SSBP3: variants seen among roughly 807,000 people sequenced by gnomAD.
SSBP3 encodes single stranded DNA binding protein 3.
Under a neutral mutation model 69.6 loss-of-function variants are expected in SSBP3, and 5 were observed. That is an observed-to-expected ratio of 0.07 (90% CI 0.04 to 0.15). The LOEUF (loss-of-function observed/expected upper bound fraction) is 0.15, where lower values mean the gene tolerates loss of function less well. Among genes scored for constraint, SSBP3 ranks in the 10% least tolerant of loss-of-function variants. The pLI, the probability that SSBP3 is intolerant of heterozygous loss-of-function variation, is 1.00. For missense variants in SSBP3, 312 were observed against 534.0 expected (o/e 0.58, Z 4.10); for synonymous variants, 196 against 193.4 (o/e 1.01, Z -0.11).
intron 4 of SSBP3, among the ~76,000 whole-genome samples, chr1:54,329,241 G>T (rs1646364221): frequency 6.6e-6 from 1 of 151,966 alleles, no homozygotes; most frequent in South Asian, 2.1e-4. Context: ...GAGGATGAAT[G>T]ATATACTTTT....
chr1:54,387,358 T>C (rs1008526970), intron 4 of SSBP3, among the ~76,000 whole-genome samples: 2 of 152,202 alleles, frequency 1.3e-5, no homozygotes, highest in Admixed American at 6.5e-5. Flanking sequence ...AACCAAGCCA[T>C]GCCTCTTCAA....
At chr1:54,397,543 CAG>C (rs1181021966) in intron 4 of SSBP3, among the ~76,000 whole-genome samples, 29 of 152,210 alleles carry the variant, frequency 1.9e-4, no homozygotes, top group East Asian at 1.2e-3. Flanking sequence ...GGTGGGAGAG[CAG>C]AGTCTTGCTG....
intron 4 of SSBP3, among the ~76,000 whole-genome samples, chr1:54,346,720 C>A (rs12093737): frequency 0.047 from 7,073 of 151,456 alleles, 583 homozygotes; most frequent in African/African-American, 0.16. Context: ...GAGGCTGAGG[C>A]AGGAGAATGG....
upstream of SSBP3, among the ~76,000 whole-genome samples, chr1:54,408,111 T>C (rs755092210): frequency 9.9e-5 from 15 of 152,136 alleles, no homozygotes; most frequent in Non-Finnish European, 1.8e-4. Flanking sequence ...CGGACACCTC[T>C]GGACTCACTC....
intron 4 of SSBP3, among the ~76,000 whole-genome samples, chr1:54,393,440 G>A (rs150772790): frequency 6.4e-4 from 98 of 152,232 alleles, no homozygotes; most frequent in African/African-American, 2.3e-3. Context: ...CAATCACTGA[G>A]AACACTGCCC....
At chr1:54,341,694 C>T (rs77692229) in intron 4 of SSBP3, among the ~76,000 whole-genome samples, 4,827 of 150,158 alleles carry the variant, frequency 0.032, 264 homozygotes, top group African/African-American at 0.11. Flanking sequence ...TACCCTAAAA[C>T]TTAAAGTATA....
chr1:54,344,092 T>A (rs972558941), intron 4 of SSBP3, among the ~76,000 whole-genome samples: 6 of 152,116 alleles, frequency 3.9e-5, no homozygotes, highest in African/African-American at 1.2e-4. Flanking sequence ...GTGCCCCTGA[T>A]TAGACACCTG....
At chr1:54,346,100 T>C (rs1355971656) in intron 4 of SSBP3, among the ~76,000 whole-genome samples, 4 of 151,402 alleles carry the variant, frequency 2.6e-5, no homozygotes, top group African/African-American at 9.7e-5. Context: ...GAGGCAGAGG[T>C]TGCAGTGAGC....
intron 4 of SSBP3, among the ~76,000 whole-genome samples, chr1:54,343,533 G>A (rs532998607): frequency 1.3e-5 from 2 of 152,358 alleles, no homozygotes; most frequent in African/African-American, 4.8e-5. Context: ...CCCAGTGGCA[G>A]GGGAGCAGGT....
intron 4 of SSBP3, among the ~76,000 whole-genome samples, chr1:54,328,931 G>A (rs1348844934): frequency 6.6e-6 from 1 of 152,240 alleles, no homozygotes; most frequent in Non-Finnish European, 1.5e-5. Context: ...CAGGAGGGCA[G>A]GGGCTGGCGT....
At chr1:54,260,122 G>A (rs1345253578) in intron 5 of SSBP3, among the ~76,000 whole-genome samples, 1 of 152,182 alleles carries the variant, frequency 6.6e-6, no homozygotes, top group Non-Finnish European at 1.5e-5. Flanking sequence ...ATTTGCACCT[G>A]CAAGTCTTTT....
At chr1:54,269,580 A>C (rs1475427597) in intron 5 of SSBP3, among the ~76,000 whole-genome samples, 1 of 152,254 alleles carries the variant, frequency 6.6e-6, no homozygotes, top group East Asian at 1.9e-4. Flanking sequence ...CATGTTGGAC[A>C]TAACTTTTTT....
intron 4 of SSBP3, among the ~76,000 whole-genome samples, chr1:54,399,013 C>T (rs1476504941): frequency 1.3e-5 from 2 of 152,224 alleles, no homozygotes; most frequent in Admixed American, 1.3e-4. Flanking sequence ...TTCAAAATCA[C>T]CTTGTTCGAG....
intron 4 of SSBP3, among the ~76,000 whole-genome samples, chr1:54,388,935 G>A (rs570663740): frequency 1.3e-5 from 2 of 152,362 alleles, no homozygotes; most frequent in African/African-American, 4.8e-5. Flanking sequence ...CCAGGACAAA[G>A]TGAGAAGGCA....
intron 4 of SSBP3, among the ~76,000 whole-genome samples, chr1:54,297,038 A>G (rs1645715699): frequency 6.6e-6 from 1 of 152,198 alleles, no homozygotes; most frequent in South Asian, 2.1e-4. Context: ...TGGTGACACG[A>G]ACAGTTAAGT....
upstream of SSBP3, among the ~76,000 whole-genome samples, chr1:54,406,802 C>T (rs1223837511): frequency 6.6e-6 from 1 of 151,822 alleles, no homozygotes; most frequent in African/African-American, 2.4e-5. Flanking sequence ...GGTCGCCGCT[C>T]GCTCCCTCCC....
intron 4 of SSBP3, among the ~76,000 whole-genome samples, chr1:54,368,033 G>T (rs535232431): frequency 1.1e-3 from 165 of 152,234 alleles, no homozygotes; most frequent in Middle Eastern, 3.4e-3. Flanking sequence ...CGGGCACAGT[G>T]GCTCACACCT....
chr1:54,373,459 T>C (rs1220363728), intron 4 of SSBP3, among the ~76,000 whole-genome samples: 1 of 151,770 alleles, frequency 6.6e-6, no homozygotes, highest in Non-Finnish European at 1.5e-5. Flanking sequence ...CAGCAAAGAG[T>C]TGTTTTGAAA....
intron 4 of SSBP3, among the ~76,000 whole-genome samples, chr1:54,331,489 A>T: frequency 6.6e-6 from 1 of 152,340 alleles, no homozygotes; most frequent in East Asian, 1.9e-4. Flanking sequence ...ACAGTGACAA[A>T]GAGAGTTTTC....
Sources: allele counts gnomAD v4.1 joint callset (sites outside exome capture counted in the v4.1 genomes callset), GRCh38; gene constraint gnomAD v4.1.1; transcripts MANE v1.5; gene names NCBI Gene and HGNC (gene_info 2026-07-23, HGNC 2026-07-21).